Variants in CDK6 observed in about 807,000 individuals in gnomAD.
CDK6 encodes the protein cyclin dependent kinase 6.
In CDK6, 6 loss-of-function variants were observed where a neutral mutation model predicts 37.1. The observed-to-expected ratio is 0.16, with a 90% CI of 0.09 to 0.32. CDK6 has a LOEUF of 0.32. Among genes scored for constraint, CDK6 ranks in the 10% least tolerant of loss-of-function variants. The pLI is 1.00. For missense variants in CDK6, 224 were observed against 418.9 expected, an observed-to-expected ratio of 0.53 and a Z score of 4.06; for synonymous variants, 160 against 161.3, an observed-to-expected ratio of 0.99 and a Z score of 0.06.
At position 92,640,253 on chromosome 7, in the gene CDK6, T is replaced by C. The variant is rs73710422; in HGVS notation, c.648-17167A>G. 8.7e-3 allele frequency among the ~76,000 whole-genome samples: 1,320 copies of C among 152,206 alleles called. 22 individuals carry two copies. Among genetic ancestry groups the C allele is most frequent in the African/African-American group, 0.03 (1,259 of 41,544 alleles). On this transcript the variant is annotated intron_variant, in intron 5 of 7. Coordinates refer to ENST00000424848, the MANE Select transcript of CDK6 (RefSeq NM_001145306.2). ...GTGTGCTAAGTAGCCAGCATCAAAG[T>C]GCAAATGGAAGGGGGCCCTCATGGA...
At chr7:92,709,539 T>C (rs1375957328) in intron 4 of CDK6, among the ~76,000 whole-genome samples, 1 of 152,112 alleles carries the variant, frequency 6.6e-6, no homozygotes, top group African/African-American at 2.4e-5. Context: ...TATACATATA[T>C]GTAACTAAAA....
intron 2 of CDK6, among the ~76,000 whole-genome samples, chr7:92,776,834 A>C (rs1174189628): frequency 6.6e-6 from 1 of 152,130 alleles, no homozygotes; most frequent in African/African-American, 2.4e-5. Flanking sequence ...GATAGATTGC[A>C]AAAATTTTCT....
At chr7:92,814,386 C>T (rs891164592) in intron 2 of CDK6, among the ~76,000 whole-genome samples, 2 of 152,082 alleles carry the variant, frequency 1.3e-5, no homozygotes, top group African/African-American at 4.8e-5. Flanking sequence ...AGCAGCTGTT[C>T]TTAAACTTTT....
intron 4 of CDK6, among the ~76,000 whole-genome samples, chr7:92,672,160 T>TATATACACACACAC (rs1210519115): frequency 3.8e-5 from 3 of 79,086 alleles, no homozygotes; most frequent in African/African-American, 5.5e-5. Flanking sequence ...TATATATATA[T>TATATACACACACAC]ACACATACAC....
At position 92,605,048 on chromosome 7, in the gene CDK6, A is replaced by G; in HGVS notation, c.*10092T>C. On this transcript the variant is annotated 3_prime_UTR_variant, in exon 8 of 8. Transcript: ENST00000424848. ...AAAGCAGTTTAAAGTTATTGTTTTT[A>G]TTATTTTTATTTGCTACCAATATTT... The G allele has an allele frequency of 4.3e-6, 1 of 231,138 alleles. No individual in the cohort carries two copies. The highest frequency in any genetic ancestry group is 8.6e-6 in the Non-Finnish European group (1 of 116,816). The allele number at this position is 231,138 out of a possible 1,614,324, so 14.3% of individuals were successfully genotyped here. A position where few individuals can be genotyped will look rare whatever the true frequency, so the allele number is the denominator to read the frequency against.
At chr7:92,765,307 T>C (rs1434910364) in intron 3 of CDK6, among the ~76,000 whole-genome samples, 1 of 152,176 alleles carries the variant, frequency 6.6e-6, no homozygotes, top group African/African-American at 2.4e-5. Flanking sequence ...AAGAACAATT[T>C]CTGGAATTCA....
intron 3 of CDK6, among the ~76,000 whole-genome samples, chr7:92,741,188 T>G (rs1056829081): frequency 6.6e-6 from 1 of 152,134 alleles, no homozygotes; most frequent in African/African-American, 2.4e-5. Context: ...GTAAACTAGA[T>G]AAATCGACAG....
chr7:92,655,220 A>T (rs78437931), intron 5 of CDK6, among the ~76,000 whole-genome samples: 1 of 151,844 alleles, frequency 6.6e-6, no homozygotes, highest in African/African-American at 2.4e-5. Flanking sequence ...TTTCACTGCC[A>T]GTCTTAGTTT....
intron 5 of CDK6, among the ~76,000 whole-genome samples, chr7:92,638,130 T>A (rs1368706761): frequency 6.6e-6 from 1 of 152,226 alleles, no homozygotes; most frequent in Non-Finnish European, 1.5e-5. Flanking sequence ...TGCTAAAAAA[T>A]TTAAAAGACA....
intron 7 of CDK6, 56 bp from the exon 8 acceptor site, chr7:92,615,342 T>C: frequency 1.4e-6 from 2 of 1,413,042 alleles, no homozygotes; most frequent in South Asian, 1.2e-5. Context: ...GTAAATAATG[T>C]ACTTACAGAG....
At chr7:92,701,468 C>T (rs1304663187) in intron 4 of CDK6, among the ~76,000 whole-genome samples, 2 of 150,524 alleles carry the variant, frequency 1.3e-5, no homozygotes, top group African/African-American at 2.4e-5. Flanking sequence ...TGTAGTGGTG[C>T]GATCTCCACT....
chr7:92,697,490 T>C (rs1797747025), intron 4 of CDK6, among the ~76,000 whole-genome samples: 2 of 152,340 alleles, frequency 1.3e-5, no homozygotes, highest in East Asian at 3.9e-4. Flanking sequence ...GGTAAGATAC[T>C]GATATTCAAA....
chr7:92,765,283 G>A (rs575549679), intron 3 of CDK6, among the ~76,000 whole-genome samples: 6 of 152,122 alleles, frequency 3.9e-5, no homozygotes, highest in African/African-American at 9.6e-5. Flanking sequence ...ATATTTAAGC[G>A]TCCCACCCCG....
rs373031966 is a variant in CDK6, at chr7:92,642,198, G to A, written c.648-19112C>T. ...TTGTGGAGGAGTCAGCTGACCCCAC[G>A]CCTTGACCCCAGAGCCCTGCATAGT... On this transcript the variant is annotated intron_variant, in intron 5 of 7. Transcript: ENST00000424848. Among the ~76,000 whole-genome samples, 19 of 152,232 alleles carry A rather than the reference G, an allele frequency of 1.2e-4. 1 individual carries two copies. The highest frequency in any genetic ancestry group is 1.1e-3 in the Admixed American group (17 of 15,284).
At chr7:92,806,494 A>G (rs976201855) in intron 2 of CDK6, among the ~76,000 whole-genome samples, 1 of 152,214 alleles carries the variant, frequency 6.6e-6, no homozygotes, top group Non-Finnish European at 1.5e-5. Context: ...ACGTGTCCAC[A>G]TGCAAAGAGG....
intron 2 of CDK6, among the ~76,000 whole-genome samples, chr7:92,798,217 T>G (rs953188357): frequency 1.3e-5 from 2 of 152,168 alleles, no homozygotes; most frequent in African/African-American, 4.8e-5. Flanking sequence ...AGTGCCAAAA[T>G]CTTTGTATAT....
chr7:92,744,373 T>A (rs1799006298), intron 3 of CDK6, among the ~76,000 whole-genome samples: 1 of 152,144 alleles, frequency 6.6e-6, no homozygotes, highest in Admixed American at 6.5e-5. Flanking sequence ...TCAGATCTCG[T>A]GAGACTTACT....
intron 3 of CDK6, among the ~76,000 whole-genome samples, chr7:92,763,143 C>T (rs1162280113): frequency 6.6e-6 from 1 of 152,090 alleles, no homozygotes; most frequent in Admixed American, 6.5e-5. Flanking sequence ...TAAAAATCAG[C>T]AAAACTGCTA....
Position 92,833,771 on chromosome 7 carries a change from C to T in CDK6, c.-367-81G>A. On this transcript the variant is annotated intron_variant, in intron 1 of 7. Transcript: ENST00000424848. This position sits in a 1 kb window ranked among gnomAD's most constrained non-coding sequence, Gnocchi z 6.1. The stretch of plus-strand genomic sequence containing the variant: ...TTCCTCGGGGTTCCTCCAGACTCCC[C>T]TCCTCCTCCTTTACGAAGCCTCCAT... 2.5e-6 allele frequency: 1 copy of T among 407,230 alleles called. No individual in the cohort carries two copies. The highest frequency in any genetic ancestry group is 4.3e-6 in the Non-Finnish European group (1 of 232,154). The allele number at this position is 407,230 out of a possible 1,614,324, so 25.2% of individuals were successfully genotyped here. A position where few individuals can be genotyped will look rare whatever the true frequency, so the allele number is the denominator to read the frequency against.
Sources: gnomAD v4.1 joint callset for allele counts (sites outside exome capture counted in the v4.1 genomes callset) on GRCh38, gnomAD v4.1.1 for gene constraint, Gnocchi (gnomAD v3.1) non-coding constraint, MANE v1.5 for transcripts, NCBI Gene and HGNC (gene_info 2026-07-23, HGNC 2026-07-21) for gene names.